BMP2K: variants seen among roughly 807,000 people sequenced by gnomAD.
The protein encoded by BMP2K is BMP-2-inducible protein kinase.
Under a neutral mutation model 116.0 loss-of-function variants are expected in BMP2K, and 74 were observed. The ratio of observed to expected loss-of-function variants is 0.64; its 90% CI spans 0.53 to 0.77. The LOEUF (loss-of-function observed/expected upper bound fraction) is 0.77. Ranked by LOEUF, BMP2K falls within the 30% of genes least tolerant of loss-of-function variation. BMP2K has a pLI of 0.00. For synonymous variants in BMP2K, 486 were observed against 502.5 expected (o/e 0.97, Z 0.44); for missense variants, 1,365 against 1,403.6 (o/e 0.97, Z 0.44).
At chr4:78,888,163 A>G (rs992410742) in intron 15 of BMP2K, 2 of 152,192 alleles carry the variant, frequency 1.3e-5, no homozygotes, top group African/African-American at 2.4e-5. Flanking sequence ...AATATACAGG[A>G]TAGTTTTTTC....
chr4:78,857,743 A>C (rs1731571029), intron 7 of BMP2K, among the ~76,000 whole-genome samples: 1 of 152,138 alleles, frequency 6.6e-6, no homozygotes, highest in African/African-American at 2.4e-5. Context: ...TGTGTGAGCT[A>C]TCTTTAGAAA....
chr4:78,785,731 G>A (rs1727695853), intron 1 of BMP2K, among the ~76,000 whole-genome samples: 1 of 152,214 alleles, frequency 6.6e-6, no homozygotes, highest in Non-Finnish European at 1.5e-5. Context: ...CTTGATATGT[G>A]TGGGAAATTG....
intron 2 of BMP2K, among the ~76,000 whole-genome samples, chr4:78,828,569 AAGG>A (rs1179214763): frequency 1.3e-5 from 2 of 152,136 alleles, no homozygotes; most frequent in Admixed American, 6.5e-5. Context: ...GGGCAGGTGA[AAGG>A]AGGGCAGGAG....
chr4:78,790,926 C>G (rs541196945), intron 1 of BMP2K, among the ~76,000 whole-genome samples: 1 of 152,168 alleles, frequency 6.6e-6, no homozygotes, highest in Non-Finnish European at 1.5e-5. Context: ...CCCCTCCCAT[C>G]TGCCTCTAAT....
At chr4:78,831,637 T>C (rs1730208540) in intron 2 of BMP2K, among the ~76,000 whole-genome samples, 1 of 152,200 alleles carries the variant, frequency 6.6e-6, no homozygotes, top group Admixed American at 6.5e-5. Flanking sequence ...TGCTCTAATG[T>C]TGTTTTTCTG....
intron 8 of BMP2K, 101 bp from the exon 9 acceptor site, chr4:78,861,288 A>T: frequency 5.9e-6 from 5 of 846,630 alleles, no homozygotes; most frequent in Non-Finnish European, 9.0e-6. Flanking sequence ...ATAGTGTCTC[A>T]TAGTACTTTT....
intron 1 of BMP2K, among the ~76,000 whole-genome samples, chr4:78,806,875 A>G (rs1553913882): frequency 1.4e-5 from 2 of 144,362 alleles, no homozygotes; most frequent in Admixed American, 7.0e-5. Context: ...TTGAGACAGT[A>G]TCTCACTCTT....
chr4:78,832,666 A>G (rs537819460), intron 2 of BMP2K, among the ~76,000 whole-genome samples: 1 of 152,084 alleles, frequency 6.6e-6, no homozygotes, highest in Non-Finnish European at 1.5e-5. Flanking sequence ...CTTCCTTTCA[A>G]TAGAATTTGT....
At chr4:78,852,349 T>C (rs185327867) in intron 7 of BMP2K, among the ~76,000 whole-genome samples, 1 of 152,138 alleles carries the variant, frequency 6.6e-6, no homozygotes, top group African/African-American at 2.4e-5. Context: ...AATTTAATCA[T>C]GTATTATGTC....
At chr4:78,889,479 CTTA>C (rs375169091) in intron 15 of BMP2K, among the ~76,000 whole-genome samples, 246 of 152,206 alleles carry the variant, frequency 1.6e-3, no homozygotes, top group African/African-American at 5.8e-3. Flanking sequence ...TATATTGCTA[CTTA>C]TTATAAAGCT....
Position 78,776,727 on chromosome 4 carries a change from G to A in BMP2K, c.178+6G>A. The A allele has an allele frequency of 7.9e-7, 1 of 1,265,384 alleles. No individual in the cohort carries two copies. Among genetic ancestry groups the A allele is most frequent in the Non-Finnish European group, 1.0e-6 (1 of 1,001,514 alleles). The allele number at this position is 1,265,384 out of a possible 1,614,324, so 78.4% of individuals were successfully genotyped here. A position where few individuals can be genotyped will look rare whatever the true frequency, so the allele number is the denominator to read the frequency against. ...GGAAGAGTCGCTGGCCGAAGGTACG[G>A]GCGCCCGGGGAGGCTCGGACAGGCA... is the stretch of plus-strand genomic sequence containing the variant. On this transcript the variant is annotated splice_donor_region_variant and intron_variant, in intron 1 of 15. Coordinates refer to ENST00000502613, the MANE Select transcript of BMP2K (RefSeq NM_198892.2).
chr4:78,859,693 T>C lies in BMP2K; in HGVS notation c.987+6T>C. 1.3e-6 allele frequency: 2 copies of C among 1,532,662 alleles called. No homozygotes were observed. The highest frequency in any genetic ancestry group is 2.7e-5 in the African/African-American group (2 of 72,980). 94.9% of individuals were successfully genotyped at this position (1,532,662 alleles called of 1,614,324 possible). A position where few individuals can be genotyped will look rare whatever the true frequency, so the allele number is the denominator to read the frequency against. The stretch of plus-strand genomic sequence containing the variant: ...GTCCAGTCTCCAACATCAATGTAAG[T>C]AGATTTTCAAGTAGGATATGAATTT... On this transcript the variant is annotated splice_donor_region_variant and intron_variant, in intron 8 of 15. Coordinates refer to ENST00000502613, the MANE Select transcript of BMP2K (RefSeq NM_198892.2).
At chr4:78,854,977 CG>C (rs1425644609) in intron 7 of BMP2K, among the ~76,000 whole-genome samples, 1 of 151,792 alleles carries the variant, frequency 6.6e-6, no homozygotes, top group Non-Finnish European at 1.5e-5. Context: ...GATGAAGATA[CG>C]GTTTCCTTGG....
At chr4:78,860,746 A>G (rs898805546) in intron 8 of BMP2K, among the ~76,000 whole-genome samples, 2 of 151,410 alleles carry the variant, frequency 1.3e-5, no homozygotes, top group Admixed American at 1.3e-4. Flanking sequence ...CCACTAAGAA[A>G]AAAGAAGGAA....
chr4:78,828,327 G>A (rs1243257045), intron 2 of BMP2K, among the ~76,000 whole-genome samples: 1 of 152,218 alleles, frequency 6.6e-6, no homozygotes, highest in African/African-American at 2.4e-5. Context: ...CATAGGGTAT[G>A]AGGTATGGGG....
At chr4:78,865,808 A>G in intron 10 of BMP2K, 88 bp downstream of exon 10, 2 of 1,342,960 alleles carry the variant, frequency 1.5e-6, no homozygotes, top group Admixed American at 2.0e-5. Flanking sequence ...GGTGATCCTT[A>G]ATATTGTAAA....
intron 2 of BMP2K, among the ~76,000 whole-genome samples, chr4:78,830,446 T>G (rs575301587): frequency 1.8e-3 from 278 of 152,330 alleles, no homozygotes; most frequent in Middle Eastern, 0.01. Flanking sequence ...GGTTTCAACT[T>G]AAAGTCACCA....
At chr4:78,846,388 G>A (rs1212215096) in intron 5 of BMP2K, among the ~76,000 whole-genome samples, 1 of 151,568 alleles carries the variant, frequency 6.6e-6, no homozygotes, top group Non-Finnish European at 1.5e-5. Flanking sequence ...ACCAGTCAGA[G>A]TGTTTGGAAA....
At chr4:78,886,215 A>G (rs370271584) in intron 14 of BMP2K, among the ~76,000 whole-genome samples, 3 of 152,172 alleles carry the variant, frequency 2.0e-5, no homozygotes, top group Non-Finnish European at 2.9e-5. Flanking sequence ...GAGTCAGGAT[A>G]TATCAACTCA....
Sources: allele counts gnomAD v4.1 joint callset (sites outside exome capture counted in the v4.1 genomes callset), GRCh38; gene constraint gnomAD v4.1.1; transcripts MANE v1.5; gene names NCBI Gene and HGNC (gene_info 2026-07-23, HGNC 2026-07-21).